The following FMN1 variants were observed in gnomAD, a reference collection of about 807,000 sequenced individuals.
FMN1 encodes the protein formin 1.
In FMN1, 110 loss-of-function variants were observed where a neutral mutation model predicts 132.4. The ratio of observed to expected loss-of-function variants is 0.83; its 90% confidence interval spans 0.71 to 0.97. FMN1 has a LOEUF of 0.97. FMN1 is among the 50% of genes least tolerant of loss of function. FMN1 has a pLI of 0.00. For synonymous variants in FMN1, 722 were observed against 651.7 expected, an observed-to-expected ratio of 1.11 and a Z score of -1.64; for missense variants, 1,792 against 1,705.3, an observed-to-expected ratio of 1.05 and a Z score of -0.90.
intron 4 of FMN1, among the ~76,000 whole-genome samples, chr15:33,115,105 C>T (rs886884685): frequency 2.6e-5 from 4 of 152,112 alleles, no homozygotes; most frequent in Non-Finnish European, 5.9e-5. Context: ...TCATATGATA[C>T]AAAGATAACT....
chr15:33,036,308 AC>A (rs1385085491), intron 6 of FMN1, among the ~76,000 whole-genome samples: 2 of 132,700 alleles, frequency 1.5e-5, no homozygotes. Flanking sequence ...ATAAATGTAT[AC>A]ACTTGAAATA....
At chr15:32,843,467 C>T (rs1157037547) in intron 17 of FMN1, among the ~76,000 whole-genome samples, 1 of 152,144 alleles carries the variant, frequency 6.6e-6, no homozygotes, top group East Asian at 1.9e-4. Flanking sequence ...AGCAATTAGG[C>T]TTAATCCTAG....
At position 32,865,894 on chromosome 15, in the gene FMN1, A is replaced by G. The variant is rs570829352; in HGVS notation, c.3836-8787T>C. Among the ~76,000 whole-genome samples the G allele has an allele frequency of 3.4e-4, 51 of 152,148 alleles. 1 individual carries two copies. Among genetic ancestry groups the G allele is most frequent in the African/African-American group, 7.9e-4 (33 of 41,580 alleles). On this transcript the variant is annotated intron_variant, in intron 16 of 20. Transcript: ENST00000616417. ...TACCTACTAAAAATAACTGAACTCA[A>G]TAATAGAAATACAAGTAAAGCATTT...
At chr15:32,936,789 GAA>G (rs2140418014) in intron 9 of FMN1, among the ~76,000 whole-genome samples, 1 of 152,188 alleles carries the variant, frequency 6.6e-6, no homozygotes, top group South Asian at 2.1e-4. Context: ...AGAGGAAGAA[GAA>G]AAAACAGTTC....
chr15:32,931,754 A>T (rs1345229395), intron 9 of FMN1, among the ~76,000 whole-genome samples: 1 of 152,198 alleles, frequency 6.6e-6, no homozygotes, highest in Non-Finnish European at 1.5e-5. Context: ...AGCATGAATG[A>T]GCATCCTTGT....
rs778835513 is a variant in FMN1, at chr15:32,772,775, G to C, written c.*1535C>G. ...GAAGCTGACATTAGATTAGGATATG[G>C]TGCTGCTTTCATTACTGGATCTATT... On this transcript the variant is annotated 3_prime_UTR_variant, in exon 21 of 21. Coordinates refer to ENST00000616417, the MANE Select transcript of FMN1 (RefSeq NM_001277313.2). 6.6e-6 allele frequency: 1 copy of C among 152,232 alleles called. No individual in the cohort carries two copies. Among genetic ancestry groups the C allele is most frequent in the Non-Finnish European group, 1.5e-5 (1 of 68,070 alleles). The allele number at this position is 152,232 out of a possible 1,614,324, so 9.4% of individuals were successfully genotyped here. A position where few individuals can be genotyped will look rare whatever the true frequency, so the allele number is the denominator to read the frequency against.
chr15:32,795,887 A>C (rs1221332815), intron 19 of FMN1, among the ~76,000 whole-genome samples: 6 of 152,222 alleles, frequency 3.9e-5, no homozygotes, highest in Non-Finnish European at 8.8e-5. Flanking sequence ...ACCACGACAC[A>C]GTAGATTACT....
At chr15:33,051,338 G>T (rs1031459986) in intron 6 of FMN1, among the ~76,000 whole-genome samples, 2 of 152,118 alleles carry the variant, frequency 1.3e-5, no homozygotes, top group Non-Finnish European at 2.9e-5. Flanking sequence ...ATTAAAAATG[G>T]AAAGAAAAAA....
At chr15:33,103,056 A>G (rs2039353376) in intron 4 of FMN1, among the ~76,000 whole-genome samples, 1 of 152,128 alleles carries the variant, frequency 6.6e-6, no homozygotes, top group African/African-American at 2.4e-5. Context: ...CAGGCACTCC[A>G]GCATCTGACA....
intron 6 of FMN1, among the ~76,000 whole-genome samples, chr15:33,029,454 G>A (rs1046765019): frequency 2.0e-5 from 3 of 152,092 alleles, no homozygotes; most frequent in East Asian, 1.9e-4. Flanking sequence ...GTTGAGAGTC[G>A]CGTGTAGACT....
chr15:32,969,487 A>T lies in FMN1; in HGVS notation c.2224-10T>A. ...GAAGTTCAAACTGTGCCTATAGGAAAATTCAGAGGGAAAGAAAGTAATGAG... is the reference window on the plus strand; with the variant it reads ...GAAGTTCAAACTGTGCCTATAGGAATATTCAGAGGGAAAGAAAGTAATGAG... On this transcript the variant is annotated splice_polypyrimidine_tract_variant and intron_variant, in intron 7 of 20. Coordinates refer to ENST00000616417, the MANE Select transcript of FMN1 (RefSeq NM_001277313.2). 1 of 1,610,692 alleles carries T rather than the reference A, an allele frequency of 6.2e-7. No individual in the cohort carries two copies. The highest frequency in any genetic ancestry group is 8.5e-7 in the Non-Finnish European group (1 of 1,178,262).
At chr15:33,102,546 C>T (rs539814573) in intron 4 of FMN1, among the ~76,000 whole-genome samples, 7 of 152,070 alleles carry the variant, frequency 4.6e-5, no homozygotes, top group African/African-American at 1.2e-4. Context: ...CTCTCTCCCT[C>T]CTTCTCCCTG....
Position 33,130,703 on chromosome 15 carries a change from C to T in FMN1, c.1867+22345G>A, listed in dbSNP as rs1963505315. Among the ~76,000 whole-genome samples the T allele has an allele frequency of 2.0e-5, 3 of 152,088 alleles. No individual in the cohort carries two copies. In the South Asian group the frequency reaches 6.2e-4, roughly 32 times the overall value. On this transcript the variant is annotated intron_variant, in intron 4 of 20. Coordinates refer to ENST00000616417, the MANE Select transcript of FMN1 (RefSeq NM_001277313.2). The stretch of plus-strand genomic sequence containing the variant: ...TTAGTTTTAAAAATAATTTGAGTCT[C>T]CAGTATGTATGTAATACCACACTGA...
At chr15:33,137,530 G>A (rs59194874) in intron 4 of FMN1, among the ~76,000 whole-genome samples, 1 of 152,198 alleles carries the variant, frequency 6.6e-6, no homozygotes, top group South Asian at 2.1e-4. Flanking sequence ...AATGAGCTCA[G>A]AGGATAATGT....
chr15:32,950,042 T>TATATACAC (rs1555503233), intron 9 of FMN1, among the ~76,000 whole-genome samples: 2 of 6,736 alleles, frequency 3.0e-4, no homozygotes, highest in Non-Finnish European at 5.0e-4. Flanking sequence ...TACACATATA[T>TATATACAC]ATATATATAC....
chr15:32,838,242 G>A (rs530094991), intron 17 of FMN1, among the ~76,000 whole-genome samples: 3 of 152,118 alleles, frequency 2.0e-5, no homozygotes, highest in African/African-American at 4.8e-5. Flanking sequence ...CGCTCAAACC[G>A]AGGTAAGAGA....
intron 15 of FMN1, among the ~76,000 whole-genome samples, chr15:32,892,093 T>C (rs905444782): frequency 6.6e-6 from 1 of 152,160 alleles, no homozygotes; most frequent in African/African-American, 2.4e-5. Flanking sequence ...CAGTACTATG[T>C]TGAAGAGGAG....
intron 6 of FMN1, among the ~76,000 whole-genome samples, chr15:33,039,509 G>A (rs1475298966): frequency 6.6e-6 from 1 of 152,180 alleles, no homozygotes. Flanking sequence ...GAAACGTTCT[G>A]CTGGAAAATT....
intron 6 of FMN1, among the ~76,000 whole-genome samples, chr15:33,057,070 C>T (rs984378468): frequency 6.6e-6 from 1 of 152,038 alleles, no homozygotes; most frequent in Non-Finnish European, 1.5e-5. Flanking sequence ...CTCAGCTACT[C>T]GGGAGGCTGA....
Sources: gnomAD v4.1 joint callset for allele counts (sites outside exome capture counted in the v4.1 genomes callset) on GRCh38, gnomAD v4.1.1 for gene constraint, MANE v1.5 for transcripts, NCBI Gene and HGNC (gene_info 2026-07-23, HGNC 2026-07-21) for gene names.